The following ABCA12 variants were observed in gnomAD, a reference collection of about 807,000 sequenced individuals.
ABCA12 encodes glucosylceramide transporter ABCA12.
A neutral mutation model predicts 293.5 loss-of-function variants in ABCA12; 156 were observed. The observed-to-expected ratio is 0.53, with a 90% confidence interval of 0.47 to 0.61. The LOEUF is 0.61. ABCA12 is among the 20% of genes least tolerant of loss of function. The probability of loss-of-function intolerance (pLI) is 0.00; values close to 1 mark genes in which losing one functional copy is unlikely to be tolerated. For missense variants in ABCA12, 2,797 were observed against 3,090.2 expected (o/e 0.91, Z 2.25); for synonymous variants, 1,063 against 1,108.0 (o/e 0.96, Z 0.81).
At chr2:214,939,323 T>A (rs1175326334) in intron 50 of ABCA12, among the ~76,000 whole-genome samples, 1 of 152,172 alleles carries the variant, frequency 6.6e-6, no homozygotes, top group Non-Finnish European at 1.5e-5. Flanking sequence ...TTGGTCTATA[T>A]ATGTGTTTTG....
At chr2:215,088,733 G>A (rs1211040127) in intron 2 of ABCA12, among the ~76,000 whole-genome samples, 1 of 152,188 alleles carries the variant, frequency 6.6e-6, no homozygotes, top group Non-Finnish European at 1.5e-5. Flanking sequence ...TTTCATTAAG[G>A]AAGAGGAAAT....
chr2:215,083,475 G>A (rs879494037), intron 2 of ABCA12, among the ~76,000 whole-genome samples: 14 of 152,152 alleles, frequency 9.2e-5, no homozygotes, highest in Admixed American at 5.2e-4. Context: ...GATGGTTTTA[G>A]AGCATTGATT....
Position 215,000,677 on chromosome 2 carries a change from TA to T in ABCA12, c.3179+27del, listed in dbSNP as rs750037917. The stretch of plus-strand genomic sequence containing the variant: ...AGTTCTCAGAAAAGTTGTTGATCAT[TA>T]AAAAGGCTGGAAGTGCACACACTTA... On this transcript the variant is annotated intron_variant, in intron 22 of 52. Coordinates refer to ENST00000272895, the MANE Select transcript of ABCA12 (RefSeq NM_173076.3). 1.6e-5 allele frequency: 26 copies of T among 1,612,706 alleles called. No individual in the cohort carries two copies. In the African/African-American group the frequency reaches 3.1e-4, roughly 19 times the overall value.
intron 2 of ABCA12, among the ~76,000 whole-genome samples, chr2:215,069,820 TAG>T (rs1308222655): frequency 1.3e-5 from 2 of 152,322 alleles, no homozygotes; most frequent in South Asian, 2.1e-4. Flanking sequence ...AACTTGCTAA[TAG>T]AGACTCTAAC....
intron 48 of ABCA12, among the ~76,000 whole-genome samples, chr2:214,945,855 G>A (rs1698565558): frequency 6.6e-6 from 1 of 152,108 alleles, no homozygotes; most frequent in East Asian, 1.9e-4. Context: ...GAAAGGAATG[G>A]GTTATGTGGA....
chr2:215,096,915 G>T (rs1415191047), intron 2 of ABCA12, among the ~76,000 whole-genome samples: 3 of 152,038 alleles, frequency 2.0e-5, no homozygotes, highest in African/African-American at 7.3e-5. Flanking sequence ...TTTCCCAGTA[G>T]AATCTAATGG....
intron 52 of ABCA12, among the ~76,000 whole-genome samples, chr2:214,933,236 G>A (rs1225946198): frequency 1.3e-5 from 2 of 152,130 alleles, no homozygotes; most frequent in Non-Finnish European, 2.9e-5. Flanking sequence ...TTAACAGGCA[G>A]ATCTTTTCAC....
At chr2:215,055,072 TA>T (rs1484526201) in intron 3 of ABCA12, among the ~76,000 whole-genome samples, 1 of 152,022 alleles carries the variant, frequency 6.6e-6, no homozygotes, top group African/African-American at 2.4e-5. Flanking sequence ...AAAAGAAAAA[TA>T]AGTTTTCTAT....
rs774575248 is a variant in ABCA12 at position 214,975,844 on chromosome 2, A to T, written c.5322T>A (p.Tyr1774Ter). ...LGTLRNSSNS[Y>*]PEIQISPSLY... Reference sequence around the variant, plus strand: ...GAGAGGGGGAGATCTGAATCTCTGGATAACTGTTGCTGGAATTTCTCAGTG... The same window carrying T: ...GAGAGGGGGAGATCTGAATCTCTGGTTAACTGTTGCTGGAATTTCTCAGTG... The change falls in exon 34 of 53, where the codon TAT (tyrosine) becomes TAA (stop). Residue 1774 changes from tyrosine (Y) to a stop codon, truncating the protein, a stop_gained. Transcript: ENST00000272895. LOFTEE classifies it high-confidence loss of function. 6.2e-7 allele frequency: 1 copy of T among 1,614,108 alleles called. No homozygotes were observed. The highest frequency in any genetic ancestry group is 8.5e-7 in the Non-Finnish European group (1 of 1,179,986).
rs1352247939 is a variant in ABCA12, at chr2:215,109,258, T to A, written c.163+2339A>T. 2.6e-5 allele frequency among the ~76,000 whole-genome samples: 4 copies of A among 152,114 alleles called. 1 individual carries two copies. The highest frequency in any genetic ancestry group is 9.7e-5 in the African/African-American group (4 of 41,422). The stretch of plus-strand genomic sequence containing the variant: ...ATAGGAGTTTCAGACTTAGAAAAAA[T>A]TTGTGTATAAAAGGGTAAGATGCGG... On this transcript the variant is annotated intron_variant, in intron 2 of 52. Coordinates refer to ENST00000272895, the MANE Select transcript of ABCA12 (RefSeq NM_173076.3).
chr2:215,103,574 T>C (rs1702403433), intron 2 of ABCA12, among the ~76,000 whole-genome samples: 1 of 151,908 alleles, frequency 6.6e-6, no homozygotes, highest in Non-Finnish European at 1.5e-5. Flanking sequence ...CCTGGCCCTA[T>C]AACATCCCTC....
chr2:215,079,243 G>A (rs1559181714), intron 2 of ABCA12, among the ~76,000 whole-genome samples: 1 of 152,136 alleles, frequency 6.6e-6, no homozygotes, highest in African/African-American at 2.4e-5. Context: ...GTGCAATATA[G>A]CACACAAGAA....
intron 5 of ABCA12, among the ~76,000 whole-genome samples, chr2:215,051,609 AGTGTGTGTGTGT>A (rs3050094): frequency 1.9e-3 from 228 of 121,432 alleles, no homozygotes; most frequent in African/African-American, 5.9e-3. Context: ...TAAAAACGCT[AGTGTGTGTGTGT>A]GTGTGTGTGT....
chr2:215,049,199 T>G (rs1225494222), intron 6 of ABCA12, among the ~76,000 whole-genome samples: 1 of 152,184 alleles, frequency 6.6e-6, no homozygotes, highest in Non-Finnish European at 1.5e-5. Flanking sequence ...AATTAGCTTT[T>G]CAAACTAGGT....
chr2:215,090,509 TC>T (rs1702122050), intron 2 of ABCA12, among the ~76,000 whole-genome samples: 2 of 152,118 alleles, frequency 1.3e-5, no homozygotes, highest in Non-Finnish European at 2.9e-5. Flanking sequence ...CTTCAATCTC[TC>T]CCTTCCTTAA....
chr2:214,958,503 C>T, intron 40 of ABCA12, 49 bp from the exon 41 acceptor site: 3 of 1,586,198 alleles, frequency 1.9e-6, no homozygotes, highest in Non-Finnish European at 2.6e-6. Flanking sequence ...TTTTGAAACT[C>T]TTTTCCTTTC....
chr2:215,097,400 G>A (rs931787778), intron 2 of ABCA12, among the ~76,000 whole-genome samples: 1 of 151,908 alleles, frequency 6.6e-6, no homozygotes, highest in African/African-American at 2.4e-5. Flanking sequence ...GTAATAGATT[G>A]CGGATTTTAC....
chr2:215,037,535 T>C (rs1284863127), intron 7 of ABCA12, among the ~76,000 whole-genome samples: 1 of 152,192 alleles, frequency 6.6e-6, no homozygotes, highest in Non-Finnish European at 1.5e-5. Flanking sequence ...CAGATAGTAA[T>C]GTTTTTGAAG....
At chr2:214,999,912 C>G (rs752253670) in intron 22 of ABCA12, 1 of 743,830 alleles carries the variant, frequency 1.3e-6, no homozygotes. Flanking sequence ...AAATCCAATA[C>G]CATCTGAATT....
Sources: gnomAD v4.1 joint callset for allele counts (sites outside exome capture counted in the v4.1 genomes callset) on GRCh38, gnomAD v4.1.1 for gene constraint, MANE v1.5 for transcripts, NCBI Gene and HGNC (gene_info 2026-07-23, HGNC 2026-07-21) for gene names.